The following SRRT variants were observed in gnomAD, a reference collection of about 807,000 sequenced individuals.
SRRT encodes serrate, RNA effector molecule.
A neutral mutation model predicts 103.2 loss-of-function variants in SRRT; 32 were observed. The observed-to-expected ratio is 0.31, with a 90% CI of 0.23 to 0.42. The LOEUF is 0.42. Among genes scored for constraint, SRRT ranks in the 10% least tolerant of loss-of-function variants. The probability of loss-of-function intolerance (pLI) is 1.00; values close to 1 mark genes in which losing one functional copy is unlikely to be tolerated. For missense variants in SRRT, 986 were observed against 1,207.5 expected, an observed-to-expected ratio of 0.82 and a Z score of 2.72; for synonymous variants, 525 against 449.0, an observed-to-expected ratio of 1.17 and a Z score of -2.14.
chr7:100,886,728 T>C (rs2115886361), intron 13 of SRRT, 67 bp from the exon 14 acceptor site: 12 of 1,559,344 alleles, frequency 7.7e-6, no homozygotes, highest in Non-Finnish European at 1.1e-5. Context: ...CTTTCACTTG[T>C]GGAAAGTCTC....
chr7:100,884,526 G>A lies in SRRT; in HGVS notation c.916G>A (p.Asp306Asn). 6.3e-7 allele frequency: 1 copy of A among 1,576,590 alleles called. No individual in the cohort carries two copies. Among genetic ancestry groups the A allele is most frequent in the Non-Finnish European group, 8.6e-7 (1 of 1,157,510 alleles). The change falls in exon 7 of 20, where the codon GAT becomes AAT. Residue 306 changes from aspartate (D) to asparagine (N), a missense_variant. Physicochemically the swap from Asp to Asn is conservative, Grantham distance 23. Transcript: ENST00000611405. The part of the protein sequence containing the change: ...GDGERKTNDK[D>N]EKKEDGKQAE... ...CGGGGAGCGCAAAACCAACGACAAG[G>A]ATGAGAAGAAGGAAGACGGCAAGCA... is the stretch of plus-strand genomic sequence containing the variant.
rs1236322968 is a variant in SRRT at position 100,885,850 on chromosome 7, C to CT, written c.1380-10dup. 3.7e-6 allele frequency: 6 copies of CT among 1,613,996 alleles called. No individual in the cohort carries two copies. Among genetic ancestry groups the CT allele is most frequent in the East Asian group, 2.2e-5 (1 of 44,886 alleles). ...CCTCGCTTGACTATGCTAACATTTTCTTTCTTGTGTAGGTTTTTCCGTCGT... is the reference window on the plus strand; with the variant it reads ...CCTCGCTTGACTATGCTAACATTTTCTTTTCTTGTGTAGGTTTTTCCGTCGT... On this transcript the variant is annotated splice_polypyrimidine_tract_variant and intron_variant, in intron 11 of 19. Transcript: ENST00000611405. This position sits in a 1 kb window ranked among gnomAD's most constrained non-coding sequence, Gnocchi z 4.8.
At position 100,887,618 on chromosome 7, in the gene SRRT, G is replaced by C. The variant is rs574005726; in HGVS notation, c.2170-85G>C. 6.3e-7 allele frequency: 1 copy of C among 1,575,352 alleles called. No homozygotes were observed. The highest frequency in any genetic ancestry group is 8.6e-7 in the Non-Finnish European group (1 of 1,156,648). On this transcript the variant is annotated intron_variant, in intron 16 of 19. Transcript: ENST00000611405. This position sits in a 1 kb window ranked among gnomAD's most constrained non-coding sequence, Gnocchi z 4.1. Reference sequence around the variant, plus strand: ...GGAACTGCTTACTGCACTGGCAGGCGGGAGCTGGGAATCCTTCCAGCTCGG... The same window carrying C: ...GGAACTGCTTACTGCACTGGCAGGCCGGAGCTGGGAATCCTTCCAGCTCGG...
At chr7:100,879,824 A>AAG (rs1554435810) in intron 2 of SRRT, among the ~76,000 whole-genome samples, 2 of 149,770 alleles carry the variant, frequency 1.3e-5, no homozygotes, top group African/African-American at 2.5e-5. Flanking sequence ...AAAAAAAAAA[A>AAG]AAGAAGAAGA....
chr7:100,885,281 C>T lies in SRRT; in HGVS notation c.1228C>T (p.Leu410=). The change falls in exon 10 of 20, where the codon CTG becomes TTG. Residue 410 remains leucine (L), a synonymous_variant. Transcript: ENST00000611405. This position sits in a 1 kb window ranked among gnomAD's most constrained non-coding sequence, Gnocchi z 4.8. ...GGAGAAGCCCAAGGACGCCGCGGGG[C>T]TGGAGTGCAAGCCGCGGCCGCTGCA... ...EWEKPKDAAG[L]ECKPRPLHKT... The T allele has an allele frequency of 1.2e-6, 2 of 1,614,178 alleles. No individual in the cohort carries two copies. The highest frequency in any genetic ancestry group is 2.2e-5 in the South Asian group (2 of 91,090).
intron 5 of SRRT, among the ~76,000 whole-genome samples, chr7:100,883,711 C>A (rs536851937): frequency 6.6e-6 from 1 of 152,298 alleles, no homozygotes; most frequent in Non-Finnish European, 1.5e-5. Flanking sequence ...ATTTCCTGAG[C>A]CTTCCTCTCT....
At chr7:100,880,427 C>A (rs539478908) in intron 2 of SRRT, among the ~76,000 whole-genome samples, 4 of 152,118 alleles carry the variant, frequency 2.6e-5, no homozygotes, top group Non-Finnish European at 5.9e-5. Flanking sequence ...CTCAGCCTCC[C>A]GAGTAGCTGG....
intron 2 of SRRT, among the ~76,000 whole-genome samples, chr7:100,877,252 C>T (rs1003738271): frequency 1.3e-5 from 2 of 151,150 alleles, no homozygotes; most frequent in Non-Finnish European, 2.9e-5. Flanking sequence ...GAAACCCTGT[C>T]TCTACTAAAA....
Position 100,888,301 on chromosome 7 carries a change from C to A in SRRT, c.2473C>A (p.Pro825Thr). 6.2e-7 allele frequency: 1 copy of A among 1,613,734 alleles called. No individual in the cohort carries two copies. The highest frequency in any genetic ancestry group is 8.5e-7 in the Non-Finnish European group (1 of 1,179,694). ...AGTCCCCACAGGAGGCCCTCCATAC[C>A]CCCATGCCCCGTATGGTGCTGGTCG... The part of the protein sequence containing the change: ...PAVPTGGPPY[P>T]HAPYGAGRGN... The change falls in exon 19 of 20, where the codon CCC (proline) becomes ACC (threonine). Residue 825 changes from proline to threonine, a missense_variant. Pro to Thr is a conservative substitution (Grantham distance 38). This residue lies in a region of SRRT where 178 missense variants were observed against 189.6 expected (regional missense o/e 0.94). Transcript: ENST00000611405.
At chr7:100,879,104 T>G (rs1816041479) in intron 2 of SRRT, among the ~76,000 whole-genome samples, 1 of 152,008 alleles carries the variant, frequency 6.6e-6, no homozygotes, top group Non-Finnish European at 1.5e-5. Flanking sequence ...TACAGGTGCC[T>G]GCCACCACGC....
At chr7:100,877,840 G>A (rs1437552585) in intron 2 of SRRT, among the ~76,000 whole-genome samples, 1 of 152,128 alleles carries the variant, frequency 6.6e-6, no homozygotes, top group Non-Finnish European at 1.5e-5. Context: ...ATGTGATTGA[G>A]TGAGCTGAAC....
Position 100,885,545 on chromosome 7 carries a change from C to T in SRRT, c.1318-156C>T. On this transcript the variant is annotated intron_variant, in intron 10 of 19. Transcript: ENST00000611405. This position sits in a 1 kb window ranked among gnomAD's most constrained non-coding sequence, Gnocchi z 4.8. ...TGATAGCGCCATTGGCTTTCAGGTG[C>T]TGGTGTTCTGAAGCCCTTTAGTGGT... 1 of 1,073,908 alleles carries T rather than the reference C, an allele frequency of 9.3e-7. No homozygotes were observed. Among genetic ancestry groups the T allele is most frequent in the Non-Finnish European group, 1.4e-6 (1 of 738,870 alleles). 66.5% of individuals were successfully genotyped at this position (1,073,908 alleles called of 1,614,324 possible). A position where few individuals can be genotyped will look rare whatever the true frequency, so the allele number is the denominator to read the frequency against.
At chr7:100,883,100 C>T (rs1331952697) in intron 5 of SRRT, 1 of 152,374 alleles carries the variant, frequency 6.6e-6, no homozygotes, top group Non-Finnish European at 1.5e-5. Context: ...GGTAAAGATC[C>T]TGGAGGTGAT....
In SRRT at chr7:100,888,493, A is replaced by G; in HGVS notation, c.2575A>G (p.Arg859Gly). The G allele has an allele frequency of 6.2e-7, 1 of 1,614,160 alleles. No homozygotes were observed. The highest frequency in any genetic ancestry group is 8.5e-7 in the Non-Finnish European group (1 of 1,180,026). Residue 859 changes from arginine (R) to glycine (G), a missense_variant, in exon 20 of 20, where the codon AGG (arginine) becomes GGG (glycine). This residue lies in a region of SRRT where 178 missense variants were observed against 189.6 expected (regional missense o/e 0.94). Coordinates refer to ENST00000611405, the MANE Select transcript of SRRT (RefSeq NM_015908.6). ...PRNRMVRGDP[R>G]AIVEYRDLDA... ...TCACAGGATGGTTCGTGGAGACCCA[A>G]GGGCCATTGTGGAATATCGGGACCT...
intron 1 of SRRT, 54 bp from the exon 2 acceptor site, chr7:100,875,519 C>T (rs905853374): frequency 8.7e-6 from 14 of 1,600,434 alleles, no homozygotes; most frequent in African/African-American, 2.7e-5. Context: ...AGGGACGGTC[C>T]CTTCCTCCGC....
At position 100,876,994 on chromosome 7, in the gene SRRT, G is replaced by T. The variant is rs78282815; in HGVS notation, c.122+1282G>T. ...CTCAGGATGTCCACAGACCATAGGGGGTCTCCGAGGCTAAAATTAGTTTTT... is the reference window on the plus strand; with the variant it reads ...CTCAGGATGTCCACAGACCATAGGGTGTCTCCGAGGCTAAAATTAGTTTTT... On this transcript the variant is annotated intron_variant, in intron 2 of 19. Transcript: ENST00000611405. 4.3e-3 allele frequency among the ~76,000 whole-genome samples: 659 copies of T among 152,144 alleles called. 5 individuals are homozygous for T. Among genetic ancestry groups the T allele is most frequent in the Middle Eastern group, 0.017 (5 of 294 alleles).
intron 2 of SRRT, 151 bp from the exon 3 acceptor site, chr7:100,881,134 G>T (rs1007503551): frequency 7.2e-5 from 53 of 741,028 alleles, no homozygotes; most frequent in Non-Finnish European, 1.0e-4. Context: ...TGTAGGGATG[G>T]CGGGGGGCGG....
At position 100,887,717 on chromosome 7, in the gene SRRT, G is replaced by A. The variant is rs781595592; in HGVS notation, c.2184G>A (p.Val728=). The A allele has an allele frequency of 1.2e-6, 2 of 1,610,928 alleles. No homozygotes were observed. The highest frequency in any genetic ancestry group is 1.7e-6 in the Non-Finnish European group (2 of 1,177,250). ...SGKKFKGPEF[V]RKHIFNKHAE... is the part of the protein sequence containing the mutation. ...TCTCCACCCAGGGTCCTGAGTTTGT[G>A]CGCAAACATATCTTCAACAAGCATG... Residue 728 remains valine, a synonymous_variant, in exon 17 of 20, where the codon GTG becomes GTA. Coordinates refer to ENST00000611405, the MANE Select transcript of SRRT (RefSeq NM_015908.6). This position sits in a 1 kb window ranked among gnomAD's most constrained non-coding sequence, Gnocchi z 4.1.
Position 100,881,433 on chromosome 7 carries a change from C to T in SRRT, c.251+20C>T, listed in dbSNP as rs902836863. Reference sequence around the variant, plus strand: ...AGACTGGTGAGATGGAGCGGTTTCCCTCTCCTCCCCTTTGCCTCAGTTCCA... The same window carrying T: ...AGACTGGTGAGATGGAGCGGTTTCCTTCTCCTCCCCTTTGCCTCAGTTCCA... On this transcript the variant is annotated intron_variant, in intron 3 of 19. Transcript: ENST00000611405. 5.6e-6 allele frequency: 9 copies of T among 1,605,240 alleles called. No individual in the cohort carries two copies. Among genetic ancestry groups the T allele is most frequent in the African/African-American group, 2.7e-5 (2 of 74,774 alleles).
Sources: allele counts gnomAD v4.1 joint callset (sites outside exome capture counted in the v4.1 genomes callset), GRCh38; gene constraint gnomAD v4.1.1; regional missense constraint gnomAD v4.1.1; non-coding constraint Gnocchi (gnomAD v3.1); transcripts MANE v1.5; gene names NCBI Gene and HGNC (gene_info 2026-07-23, HGNC 2026-07-21).